TSC2: variants seen among roughly 807,000 people sequenced by gnomAD.
The protein encoded by TSC2 is tuberin.
TSC2 carries 29 observed loss-of-function variants against 202.2 expected under a neutral mutation model. The observed-to-expected ratio is 0.14, with a 90% confidence interval of 0.11 to 0.20. The LOEUF (loss-of-function observed/expected upper bound fraction) is 0.20. Among genes scored for constraint, TSC2 ranks in the 10% least tolerant of loss-of-function variants. The pLI is 1.00. For synonymous variants in TSC2, 1,349 were observed against 1,044.0 expected (o/e 1.29, Z -5.63); for missense variants, 2,429 against 2,420.0 (o/e 1.00, Z -0.08).
intron 16 of TSC2, among the ~76,000 whole-genome samples, chr16:2,068,187 G>A (rs1056028912): frequency 1.9e-4 from 29 of 152,112 alleles, no homozygotes; most frequent in Non-Finnish European, 1.9e-4. Context: ...TGACAGGTGC[G>A]CACCACCACA....
chr16:2,080,402 G>A (rs45517300), intron 30 of TSC2, 25 bp downstream of exon 30: 42 of 1,606,380 alleles, frequency 2.6e-5, no homozygotes, highest in East Asian at 2.2e-5. Flanking sequence ...TGGCCTGAGC[G>A]CCATCTTTCT....
intron 4 of TSC2, 65 bp from the exon 5 acceptor site, chr16:2,054,231 G>A (rs989165615): frequency 1.5e-4 from 236 of 1,612,478 alleles, no homozygotes; most frequent in Non-Finnish European, 1.9e-4. Flanking sequence ...GCACTTCAGG[G>A]ACTTCTTGGC....
intron 30 of TSC2, chr16:2,081,249 CTTT>C (rs2090108975): frequency 2.5e-6 from 1 of 393,024 alleles, no homozygotes; most frequent in South Asian, 2.1e-5. Context: ...AGAGGGAGGC[CTTT>C]GCAGAGGCCC....
At chr16:2,062,368 TG>T in intron 12 of TSC2, 128 bp from the exon 13 acceptor site, 1 of 879,804 alleles carries the variant, frequency 1.1e-6, no homozygotes, top group Non-Finnish European at 1.8e-6. Context: ...CCTTTGTGTC[TG>T]GGCTGTGGGC....
At chr16:2,051,852 G>C (rs2085165608) in intron 3 of TSC2, among the ~76,000 whole-genome samples, 1 of 152,206 alleles carries the variant, frequency 6.6e-6, no homozygotes, top group South Asian at 2.1e-4. Flanking sequence ...ATCACCTGAG[G>C]TGAGGAGTTC....
intron 19 of TSC2, 29 bp from the exon 20 acceptor site, chr16:2,072,211 GC>G (rs1195306020): frequency 3.7e-6 from 6 of 1,613,328 alleles, no homozygotes; most frequent in Non-Finnish European, 5.1e-6. Context: ...GGTCCAGAAG[GC>G]CCTGTCCTGA....
Position 2,086,774 on chromosome 16 carries a change from A to G in TSC2, c.4892A>G (p.Asp1631Gly), listed in dbSNP as rs2151585646. The change falls in exon 38 of 42, where the codon GAC becomes GGC. Residue 1631 changes from aspartate (D) to glycine (G), a missense_variant. By Grantham distance (94) the Asp-to-Gly change is moderately conservative (BLOSUM62 -1). Transcript: ENST00000219476. ...ACCCTGATGCCCACCAAGGACGTGG[A>G]CAAGCACCGCTGCGACAAGAAGCGC... is the stretch of plus-strand genomic sequence containing the variant. The part of the protein sequence containing the change: ...IATLMPTKDV[D>G]KHRCDKKRHL... 6.2e-7 allele frequency: 1 copy of G among 1,611,396 alleles called. No homozygotes were observed.
rs1293594428 is a variant in TSC2, at chr16:2,075,779, C to G, written c.2546-20C>G. 9 of 1,611,366 alleles carry G rather than the reference C, an allele frequency of 5.6e-6. No homozygotes were observed. Among genetic ancestry groups the G allele is most frequent in the Non-Finnish European group, 7.6e-6 (9 of 1,179,792 alleles). ...TGCACGGGACCCCGGCTCCCCTGAC[C>G]ACCCTCTCCATTACCGCAGCTCTGG... is the stretch of plus-strand genomic sequence containing the variant. On this transcript the variant is annotated intron_variant, in intron 22 of 41. Transcript: ENST00000219476.
chr16:2,076,322 A>C, intron 24 of TSC2, 152 bp downstream of exon 24: 1 of 1,559,134 alleles, frequency 6.4e-7, no homozygotes, highest in South Asian at 1.2e-5. Flanking sequence ...TCTGCTGGGC[A>C]GCCTGCAGGG....
chr16:2,074,399 CG>C lies in TSC2; in HGVS notation c.2545+11del. ...CTGGAGTTCCTGTCCAGTGAGTCCC[CG>C]CCCTGCCTGCGCATGCACCCGAGAG... On this transcript the variant is annotated intron_variant, in intron 22 of 41. Transcript: ENST00000219476. The C allele has an allele frequency of 6.2e-7, 1 of 1,608,726 alleles. No individual in the cohort carries two copies. The highest frequency in any genetic ancestry group is 8.5e-7 in the Non-Finnish European group (1 of 1,180,002).
At position 2,077,664 on chromosome 16, in the gene TSC2, G is replaced by C. The variant is rs765438249; in HGVS notation, c.2904G>C (p.Glu968Asp). The C allele has an allele frequency of 1.9e-6, 3 of 1,613,094 alleles. No homozygotes were observed. The highest frequency in any genetic ancestry group is 1.7e-6 in the Non-Finnish European group (2 of 1,180,016). ...CTCCACCCGTGAAAGAATTCAAGGA[G>C]AGCTCTGCAGCCGAGGCCTTCCGGT... The part of the protein sequence containing the change: ...NNSPPVKEFK[E>D]SSAAEAFRCR... Residue 968 changes from glutamate (E) to aspartate (D), a missense_variant, in exon 26 of 42, where the codon GAG becomes GAC. Coordinates refer to ENST00000219476, the MANE Select transcript of TSC2 (RefSeq NM_000548.5).
chr16:2,083,503 T>G, intron 32 of TSC2, 192 bp from the exon 33 acceptor site: 1 of 934,722 alleles, frequency 1.1e-6, no homozygotes, highest in Non-Finnish European at 1.7e-6. Context: ...GAGAGGCCTG[T>G]GTCGGGGTCA....
At chr16:2,086,635 C>T (rs553124336) in intron 37 of TSC2, 97 bp from the exon 38 acceptor site, 1 of 1,571,334 alleles carries the variant, frequency 6.4e-7, no homozygotes, top group Admixed American at 1.7e-5. Context: ...CCCGCAGGCC[C>T]CCAGAGCCCC....
chr16:2,065,412 C>CA lies in TSC2; in HGVS notation c.1600-83dup, dbSNP rs369052665. The CA allele has an allele frequency of 0.045, 18,393 of 408,350 alleles. 70 individuals are homozygous for CA. Among genetic ancestry groups the CA allele is most frequent in the East Asian group, 0.056 (875 of 15,628 alleles). The allele number at this position is 408,350 out of a possible 1,614,324, so 25.3% of individuals were successfully genotyped here. On this transcript the variant is annotated intron_variant, in intron 15 of 41. Transcript: ENST00000219476. ...TGGGCGACAGAGCAAGACTCGATCT[C>CA]AAAAAAAAAAAAAAAAAAAAAAAAG...
intron 2 of TSC2, among the ~76,000 whole-genome samples, chr16:2,049,698 C>A (rs1049280414): frequency 4.0e-5 from 6 of 151,314 alleles, no homozygotes; most frequent in African/African-American, 7.3e-5. Context: ...TAGTGGTGGG[C>A]GCCTGTAATT....
chr16:2,073,286 C>T (rs1357617339), intron 21 of TSC2, among the ~76,000 whole-genome samples: 1 of 152,216 alleles, frequency 6.6e-6, no homozygotes, highest in African/African-American at 2.4e-5. Flanking sequence ...GGTGGCCATG[C>T]CGGTTGGTGG....
At position 2,071,270 on chromosome 16, in the gene TSC2, T is replaced by G. The variant is rs1475741970; in HGVS notation, c.1840-240T>G. On this transcript the variant is annotated intron_variant, in intron 17 of 41. Transcript: ENST00000219476. ...CCATCCCAGGCGGGCCCAGCTGTGG[T>G]GGTGGGGACACCAGGCTCTGTGAGC... 11 of 584,562 alleles carry G rather than the reference T, an allele frequency of 1.9e-5. No homozygotes were observed. In the African/African-American group the frequency reaches 2.0e-4, roughly 11 times the overall value. The allele number at this position is 584,562 out of a possible 1,614,324, so 36.2% of individuals were successfully genotyped here.
chr16:2,083,061 G>A (rs1026799322), intron 32 of TSC2: 35 of 453,716 alleles, frequency 7.7e-5, no homozygotes, highest in South Asian at 4.7e-4. Flanking sequence ...GAAGGGCTGC[G>A]TGGGACGGGC....
In TSC2 at chr16:2,076,740, C is replaced by T. The variant is rs1267742727; in HGVS notation, c.2837+155C>T. ...GGGCAGGACCTGCAAGGGCCGCTAA[C>T]ACCCCTCAGCCCCTCAGCAGGTTGG... On this transcript the variant is annotated intron_variant, in intron 25 of 41. Transcript: ENST00000219476. The T allele has an allele frequency of 9.3e-6, 7 of 752,894 alleles. No individual in the cohort carries two copies. The African/African-American group carries it at 1.0e-4, about 11-fold the overall frequency. The allele number at this position is 752,894 out of a possible 1,614,324, so 46.6% of individuals were successfully genotyped here.
Sources: allele counts gnomAD v4.1 joint callset (sites outside exome capture counted in the v4.1 genomes callset), GRCh38; gene constraint gnomAD v4.1.1; transcripts MANE v1.5; gene names NCBI Gene and HGNC (gene_info 2026-07-23, HGNC 2026-07-21).